CENPI: variants seen among roughly 807,000 people sequenced by gnomAD.
CENPI encodes FSH primary response 1.
Under a neutral mutation model 60.4 loss-of-function variants are expected in CENPI, and 4 were observed. The observed-to-expected ratio is 0.07, with a 90% confidence interval of 0.03 to 0.15. The LOEUF (loss-of-function observed/expected upper bound fraction) is 0.15, where lower values mean the gene tolerates loss of function less well. Ranked by LOEUF, CENPI falls within the 10% of genes least tolerant of loss-of-function variation. The pLI is 1.00. For synonymous variants in CENPI, 157 were observed against 189.4 expected, an observed-to-expected ratio of 0.83 and a Z score of 1.40; for missense variants, 444 against 534.5, an observed-to-expected ratio of 0.83 and a Z score of 1.67.
chrX:101,161,280 C>T (rs1474812964), intron 20 of CENPI, among the ~76,000 whole-genome samples: 1 of 112,143 alleles, frequency 8.9e-6, no homozygotes, highest in African/African-American at 3.2e-5. Context: ...TGAGCCACTG[C>T]ACCCGGCCTG....
intron 20 of CENPI, among the ~76,000 whole-genome samples, chrX:101,157,149 A>T (rs1443500918): frequency 4.5e-5 from 5 of 111,763 alleles, no homozygotes; most frequent in Non-Finnish European, 9.4e-5. Flanking sequence ...TTTTCACCGC[A>T]TCCACGCCAA....
intron 20 of CENPI, among the ~76,000 whole-genome samples, chrX:101,151,406 GACTT>G (rs761973016): frequency 6.5e-4 from 73 of 111,793 alleles, no homozygotes; most frequent in Non-Finnish European, 1.2e-3. Context: ...TTGAGTATTA[GACTT>G]ACTTCTTTGG....
chrX:101,126,805 G>A lies in CENPI; in HGVS notation c.777+7G>A, dbSNP rs760543738. 10 of 1,136,002 alleles carry A rather than the reference G, an allele frequency of 8.8e-6. No homozygotes were observed. Among genetic ancestry groups the A allele is most frequent in the Non-Finnish European group, 1.2e-5 (10 of 829,809 alleles). 93.6% of individuals were successfully genotyped at this position (1,136,002 alleles called of 1,213,427 possible). ...TTTGCCTGTAAGGAAGAAGGTAAGG[G>A]ATTAAGGAGAGAGAAATCATATTAA... On this transcript the variant is annotated splice_region_variant and intron_variant, in intron 9 of 21. Transcript: ENST00000682095.
intron 4 of CENPI, among the ~76,000 whole-genome samples, chrX:101,103,584 G>A (rs752374208): frequency 2.7e-5 from 3 of 109,878 alleles, no homozygotes; most frequent in Non-Finnish European, 3.8e-5. Flanking sequence ...CAGGTGATCC[G>A]CCCACCTCGG....
At chrX:101,159,378 G>A (rs768834461) in intron 20 of CENPI, among the ~76,000 whole-genome samples, 172 of 109,656 alleles carry the variant, frequency 1.6e-3, no homozygotes, top group African/African-American at 5.5e-3. Flanking sequence ...TAGCCAGGAC[G>A]GTCTTGATCT....
intron 20 of CENPI, among the ~76,000 whole-genome samples, chrX:101,158,539 A>G (rs887271189): frequency 2.7e-5 from 3 of 110,127 alleles, no homozygotes; most frequent in African/African-American, 9.9e-5. Context: ...AACCTCCCAA[A>G]GTGCTGGGAT....
At chrX:101,152,649 T>C (rs1025902832) in intron 20 of CENPI, among the ~76,000 whole-genome samples, 6 of 108,693 alleles carry the variant, frequency 5.5e-5, no homozygotes, top group African/African-American at 2.0e-4. Flanking sequence ...TCAGGTAATC[T>C]GCTTGGCCTC....
chrX:101,102,573 T>C (rs55716641), intron 4 of CENPI, among the ~76,000 whole-genome samples, 162 bp downstream of exon 4: 46,029 of 106,916 alleles, frequency 0.43, 7,671 homozygotes, highest in Middle Eastern at 0.52. Context: ...ATTGCCCAGG[T>C]TGGTCTCGAA....
At chrX:101,181,064 C>G in the CENPI span, among the ~76,000 whole-genome samples, 1 of 111,469 alleles carries the variant, frequency 9.0e-6, no homozygotes, top group Non-Finnish European at 1.9e-5. Context: ...TTCTTACCTT[C>G]TATTGAATTT....
chrX:101,162,469 A>ATATATATATATATATATATATATAT (rs1204721257), intron 21 of CENPI, among the ~76,000 whole-genome samples: 1 of 84,084 alleles, frequency 1.2e-5, no homozygotes, highest in African/African-American at 5.6e-5. Context: ...AAAAAAAAAA[A>ATATATATATATATATATATATATAT]AAAAATATAT....
intron 15 of CENPI, among the ~76,000 whole-genome samples, chrX:101,139,131 C>T (rs2089885873): frequency 2.4e-5 from 2 of 81,885 alleles, no homozygotes; most frequent in Admixed American, 1.6e-4. Flanking sequence ...CTCACTCTGT[C>T]GGCCAGGCTG....
chrX:101,178,398 C>CTTTTTTTTTTTTTTTTTTT, the CENPI span, among the ~76,000 whole-genome samples: 73 of 39,976 alleles, frequency 1.8e-3, 4 homozygotes, highest in African/African-American at 2.7e-3. Context: ...TTTTCTTCTT[C>CTTTTTTTTTTTTTTTTTTT]TTTTTTTTTT....
At chrX:101,107,080 AAG>A (rs1366583665) in intron 4 of CENPI, among the ~76,000 whole-genome samples, 1 of 105,315 alleles carries the variant, frequency 9.5e-6, no homozygotes, top group Non-Finnish European at 1.9e-5. Flanking sequence ...AAAAAAAAAA[AAG>A]AATATCTGTT....
rs377727715 is a variant in CENPI, at chrX:101,120,113, T to G, written c.592-289T>G. On this transcript the variant is annotated intron_variant, in intron 6 of 21. Transcript: ENST00000682095. ...CATGCAAATATTGAAAGGAATACAT[T>G]AATTTTTGTTAGGTAGGAGGATGAT... Among the ~76,000 whole-genome samples, 57 of 112,391 alleles carry G rather than the reference T, an allele frequency of 5.1e-4. 1 individual carries two copies. Among genetic ancestry groups the G allele is most frequent in the Admixed American group, 5.0e-3 (53 of 10,556 alleles).
intron 15 of CENPI, among the ~76,000 whole-genome samples, chrX:101,135,556 CTG>C (rs940789997): frequency 8.0e-5 from 9 of 112,194 alleles, no homozygotes; most frequent in African/African-American, 2.6e-4. Flanking sequence ...GAAAAACTGA[CTG>C]TAGCAAAATG....
chrX:101,167,048 C>T (rs1201013525), downstream of CENPI, among the ~76,000 whole-genome samples: 1 of 112,742 alleles, frequency 8.9e-6, no homozygotes, highest in African/African-American at 3.2e-5. Flanking sequence ...GCCACAGCAC[C>T]CGGCCCATTT....
intron 15 of CENPI, among the ~76,000 whole-genome samples, chrX:101,136,279 T>C (rs1045516453): frequency 4.5e-5 from 5 of 111,305 alleles, no homozygotes; most frequent in African/African-American, 1.6e-4. Flanking sequence ...AAAGCATACT[T>C]TGTAGAATAT....
At chrX:101,148,270 A>AT (rs940907100) in intron 20 of CENPI, 109 bp downstream of exon 20, 19 of 670,210 alleles carry the variant, frequency 2.8e-5, no homozygotes, top group Admixed American at 1.1e-4. Context: ...GTGTTTAGTA[A>AT]TTTTTTTTAA....
At chrX:101,119,481 C>G (rs774010289) in intron 6 of CENPI, among the ~76,000 whole-genome samples, 2 of 112,014 alleles carry the variant, frequency 1.8e-5, no homozygotes, top group East Asian at 5.6e-4. Context: ...CATATTGTCT[C>G]TGTCACAACT....
Sources: allele counts gnomAD v4.1 joint callset (sites outside exome capture counted in the v4.1 genomes callset), GRCh38; gene constraint gnomAD v4.1.1; transcripts MANE v1.5; gene names NCBI Gene and HGNC (gene_info 2026-07-23, HGNC 2026-07-21).